The following DOCK1 variants were observed in gnomAD, a reference collection of about 807,000 sequenced individuals.
DOCK1 encodes the protein dedicator of cytokinesis 1.
Under a neutral mutation model 262.7 loss-of-function variants are expected in DOCK1, and 138 were observed. That is an observed-to-expected ratio of 0.53 (90% confidence interval 0.46 to 0.61). The LOEUF is 0.61. Among genes scored for constraint, DOCK1 ranks in the 20% least tolerant of loss-of-function variants. The pLI is 0.00. For synonymous variants in DOCK1, 866 were observed against 867.4 expected (o/e 1.00, Z 0.03); for missense variants, 1,908 against 2,370.7 (o/e 0.80, Z 4.05).
At chr10:127,212,513 G>A (rs182898158) in intron 27 of DOCK1, among the ~76,000 whole-genome samples, 86 of 152,246 alleles carry the variant, frequency 5.6e-4, no homozygotes, top group African/African-American at 1.9e-3. Context: ...AACGGTGGAG[G>A]ACTGTGCTTC....
At chr10:126,942,819 T>A (rs2035121971) in intron 1 of DOCK1, among the ~76,000 whole-genome samples, 1 of 152,242 alleles carries the variant, frequency 6.6e-6, no homozygotes, top group South Asian at 2.1e-4. Context: ...GCAAGATGTT[T>A]CTTTCCAGAA....
chr10:127,085,781 CTT>C (rs930222110), intron 23 of DOCK1, among the ~76,000 whole-genome samples: 2 of 152,100 alleles, frequency 1.3e-5, no homozygotes, highest in Non-Finnish European at 2.9e-5. Context: ...GAAAGGAACT[CTT>C]TGCCTTCTTA....
At chr10:127,096,481 G>T (rs1308415225) in intron 23 of DOCK1, among the ~76,000 whole-genome samples, 1 of 152,034 alleles carries the variant, frequency 6.6e-6, no homozygotes. Flanking sequence ...ATTTTAATGT[G>T]CGTTTTCTTG....
In DOCK1 at chr10:127,419,738, A is replaced by T. The variant is rs1353427528; in HGVS notation, c.4765A>T (p.Ile1589Phe). The change falls in exon 46 of 52, where the codon ATT becomes TTT. Residue 1589 changes from isoleucine to phenylalanine, a missense_variant. Physicochemically the swap from Ile to Phe is conservative, Grantham distance 21. Around this residue, in one of 9 missense-constraint regions of DOCK1, gnomAD observed 383 missense variants for 420.1 expected, o/e 0.91. Coordinates refer to ENST00000623213, the MANE Select transcript of DOCK1 (RefSeq NM_001290223.2). ...HEKIEKLKDL[I>F]AWQIPFLAEG... ...AAAGATCGAGAAGCTCAAGGACCTG[A>T]TTGCTTGGCAGGTAAAGTGTCCAGC... The T allele has an allele frequency of 6.3e-7, 1 of 1,597,262 alleles. No individual in the cohort carries two copies. The highest frequency in any genetic ancestry group is 1.7e-5 in the Admixed American group (1 of 58,090).
intron 1 of DOCK1, among the ~76,000 whole-genome samples, chr10:126,954,849 TCTGC>T (rs1412356921): frequency 2.0e-5 from 3 of 152,236 alleles, no homozygotes; most frequent in African/African-American, 7.2e-5. Context: ...TTGGGTTGCT[TCTGC>T]CTTTTAGCTA....
At chr10:127,407,981 C>G (rs796659553) in intron 40 of DOCK1, among the ~76,000 whole-genome samples, 26 of 152,066 alleles carry the variant, frequency 1.7e-4, no homozygotes, top group African/African-American at 6.0e-4. Context: ...CCAGCAGCAG[C>G]ATTACACTAG....
At chr10:127,328,005 T>G (rs2062814819) in intron 29 of DOCK1, among the ~76,000 whole-genome samples, 1 of 151,392 alleles carries the variant, frequency 6.6e-6, no homozygotes, top group Admixed American at 6.6e-5. Context: ...AGGCCTGGCT[T>G]GAGTGAAACT....
At chr10:127,141,133 T>G (rs2051201074) in intron 27 of DOCK1, among the ~76,000 whole-genome samples, 1 of 152,316 alleles carries the variant, frequency 6.6e-6, no homozygotes. Flanking sequence ...GCCCACTGTT[T>G]CTCAGGTCCA....
intron 1 of DOCK1, among the ~76,000 whole-genome samples, chr10:126,956,096 G>A (rs1306316605): frequency 5.9e-5 from 9 of 152,170 alleles, no homozygotes; most frequent in Non-Finnish European, 7.3e-5. Context: ...AAATGCCCGC[G>A]TCTCTGCAGC....
intron 33 of DOCK1, among the ~76,000 whole-genome samples, chr10:127,363,533 C>G (rs1016687455): frequency 2.0e-5 from 3 of 151,952 alleles, no homozygotes; most frequent in African/African-American, 7.3e-5. Context: ...ACATACTAAG[C>G]ATTTTACATA....
rs116091703 is a variant in DOCK1, at chr10:127,061,294, A to G, written c.2337-374A>G. Among the ~76,000 whole-genome samples the G allele has an allele frequency of 5.0e-3, 756 of 152,304 alleles. 5 individuals are homozygous for G. The highest frequency in any genetic ancestry group is 0.018 in the African/African-American group (728 of 41,568). ...AAACACAACTGCATCTTAATAGTGT[A>G]ATTTTTGTGGGGTAGAAATAAAGCT... On this transcript the variant is annotated intron_variant, in intron 22 of 51. Coordinates refer to ENST00000623213, the MANE Select transcript of DOCK1 (RefSeq NM_001290223.2).
rs1276439661 is a variant in DOCK1, at chr10:127,446,862, A to G, written c.5414-532A>G. ...TAAAGCAACAGCCACAGTGACTGCTATGGCTAATGACTTCATGTCATACGA... is the reference window on the plus strand; with the variant it reads ...TAAAGCAACAGCCACAGTGACTGCTGTGGCTAATGACTTCATGTCATACGA... On this transcript the variant is annotated intron_variant, in intron 50 of 51. Transcript: ENST00000623213. This position sits in a 1 kb window ranked among gnomAD's most constrained non-coding sequence, Gnocchi z 4.4. Among the ~76,000 whole-genome samples the G allele has an allele frequency of 6.6e-6, 1 of 152,208 alleles. No homozygotes were observed. The highest frequency in any genetic ancestry group is 1.5e-5 in the Non-Finnish European group (1 of 68,028).
At chr10:127,095,698 T>G (rs991343921) in intron 23 of DOCK1, among the ~76,000 whole-genome samples, 3 of 140,092 alleles carry the variant, frequency 2.1e-5, no homozygotes, top group Admixed American at 7.2e-5. Context: ...TGTGAGCAAT[T>G]AATGGACAGG....
rs147987428 is a variant in DOCK1 at position 127,272,432 on chromosome 10, A to G, written c.3044+15003A>G. ...GACACACAGAGTCCTAGGAAGAGATAGATTCTGCTAAATGCTAATGTTTGT... is the reference window on the plus strand; with the variant it reads ...GACACACAGAGTCCTAGGAAGAGATGGATTCTGCTAAATGCTAATGTTTGT... On this transcript the variant is annotated intron_variant, in intron 29 of 51. Transcript: ENST00000623213. Among the ~76,000 whole-genome samples, 422 of 152,332 alleles carry G rather than the reference A, an allele frequency of 2.8e-3. 2 individuals are homozygous for G. Among genetic ancestry groups the G allele is most frequent in the Admixed American group, 4.7e-3 (72 of 15,296 alleles).
chr10:127,316,982 G>T (rs187487576), intron 29 of DOCK1, among the ~76,000 whole-genome samples: 7 of 152,198 alleles, frequency 4.6e-5, no homozygotes, highest in Admixed American at 3.9e-4. Flanking sequence ...ACTGTCCACT[G>T]TGCCGTCACT....
At chr10:127,078,676 C>G (rs1162059839) in intron 23 of DOCK1, among the ~76,000 whole-genome samples, 1 of 152,126 alleles carries the variant, frequency 6.6e-6, no homozygotes, top group Admixed American at 6.6e-5. Context: ...TTCACAATTA[C>G]AAAAATTGTG....
At chr10:127,094,587 G>A (rs191072183) in intron 23 of DOCK1, among the ~76,000 whole-genome samples, 2 of 152,308 alleles carry the variant, frequency 1.3e-5, no homozygotes, top group South Asian at 2.1e-4. Flanking sequence ...GTGGACGGGT[G>A]CACGCTGGAC....
chr10:127,031,843 G>A (rs2043260518), intron 17 of DOCK1, 90 bp downstream of exon 17: 1 of 1,152,990 alleles, frequency 8.7e-7, no homozygotes, highest in African/African-American at 1.5e-5. Flanking sequence ...TCCCATCATT[G>A]TGAGGAAGCT....
intron 1 of DOCK1, among the ~76,000 whole-genome samples, chr10:126,925,195 A>G (rs1172432681): frequency 2.0e-5 from 3 of 152,250 alleles, no homozygotes; most frequent in South Asian, 2.1e-4. Flanking sequence ...CATACAGCCC[A>G]CCTTTCTGGG....
Sources: allele counts gnomAD v4.1 joint callset (sites outside exome capture counted in the v4.1 genomes callset), GRCh38; gene constraint gnomAD v4.1.1; regional missense constraint gnomAD v4.1.1; non-coding constraint Gnocchi (gnomAD v3.1); transcripts MANE v1.5; gene names NCBI Gene and HGNC (gene_info 2026-07-23, HGNC 2026-07-21).